The following OSBPL3 variants were observed in gnomAD, a reference collection of about 807,000 sequenced individuals.
OSBPL3 encodes oxysterol-binding protein-related protein 3.
In OSBPL3, 65 loss-of-function variants were observed where a neutral mutation model predicts 120.1. The ratio of observed to expected loss-of-function variants is 0.54; its 90% CI spans 0.44 to 0.67. The LOEUF (loss-of-function observed/expected upper bound fraction) is 0.67, where lower values mean the gene tolerates loss of function less well. Ranked by LOEUF, OSBPL3 falls within the 30% of genes least tolerant of loss-of-function variation. OSBPL3 has a pLI of 0.00. For synonymous variants in OSBPL3, 416 were observed against 402.6 expected (o/e 1.03, Z -0.40); for missense variants, 1,004 against 1,082.1 (o/e 0.93, Z 1.01).
intron 1 of OSBPL3, among the ~76,000 whole-genome samples, chr7:24,935,217 G>C (rs1386333039): frequency 6.6e-6 from 1 of 152,108 alleles, no homozygotes; most frequent in Non-Finnish European, 1.5e-5. Context: ...ATACTGCAGA[G>C]TGGTCCAGTG....
chr7:24,804,391 T>A lies in OSBPL3; in HGVS notation c.2491A>T (p.Arg831Trp). The change falls in exon 22 of 23, where the codon AGG becomes TGG. Residue 831 changes from arginine (R) to tryptophan (W), a missense_variant. Physicochemically the swap from Arg to Trp is moderately radical, Grantham distance 101 (BLOSUM62 -3). Transcript: ENST00000313367. This position sits in a 1 kb window ranked among gnomAD's most constrained non-coding sequence, Gnocchi z 5.4. ...NLEEAEIQKQ[R>W]IEQLQRERRR... is the part of the protein sequence containing the mutation. Reference sequence around the variant, plus strand: ...CTTTCTCTCTGCAGTTGTTCAATCCTCTGCTTTTGTATTTCAGCTTCTTCT... The same window carrying A: ...CTTTCTCTCTGCAGTTGTTCAATCCACTGCTTTTGTATTTCAGCTTCTTCT... The A allele has an allele frequency of 6.2e-7, 1 of 1,613,920 alleles. No individual in the cohort carries two copies. The highest frequency in any genetic ancestry group is 8.5e-7 in the Non-Finnish European group (1 of 1,179,840).
chr7:24,848,935 A>T, intron 12 of OSBPL3, 134 bp downstream of exon 12: 1 of 632,964 alleles, frequency 1.6e-6, no homozygotes, highest in South Asian at 1.9e-5. Flanking sequence ...AGCTGTGGCC[A>T]GCACCCAGAG....
In OSBPL3 at chr7:24,862,379, A is replaced by G. The variant is rs776719288; in HGVS notation, c.871-610T>C. Among the ~76,000 whole-genome samples, 5 of 152,220 alleles carry G rather than the reference A, an allele frequency of 3.3e-5. No individual in the cohort carries two copies. Among genetic ancestry groups the G allele is most frequent in the Non-Finnish European group, 7.3e-5 (5 of 68,038 alleles). On this transcript the variant is annotated intron_variant, in intron 9 of 22. Transcript: ENST00000313367. The surrounding 1 kb of genome is among the most constrained non-coding windows in gnomAD (Gnocchi z 4.4). Reference sequence around the variant, plus strand: ...TGCCAGGCTTTCTCATTTATACTCAATTCCTTCCTCCTGGCAATAATCATC... The same window carrying G: ...TGCCAGGCTTTCTCATTTATACTCAGTTCCTTCCTCCTGGCAATAATCATC...
At chr7:24,975,207 C>G (rs1023527157) in intron 1 of OSBPL3, among the ~76,000 whole-genome samples, 1 of 152,072 alleles carries the variant, frequency 6.6e-6, no homozygotes, top group Non-Finnish European at 1.5e-5. Context: ...ATAACATAGG[C>G]AAAATATTTA....
intron 10 of OSBPL3, among the ~76,000 whole-genome samples, chr7:24,853,820 G>A (rs956443431): frequency 6.6e-6 from 1 of 152,230 alleles, no homozygotes; most frequent in Non-Finnish European, 1.5e-5. Context: ...TTTGGGTAAA[G>A]GGTATACAGA....
chr7:24,918,037 G>A lies in OSBPL3; in HGVS notation c.-149-25416C>T, dbSNP rs1012661091. The A allele has an allele frequency of 5.6e-5, 55 of 976,562 alleles. No homozygotes were observed. The highest frequency in any genetic ancestry group is 6.3e-5 in the Non-Finnish European group (52 of 821,964). The allele number at this position is 976,562 out of a possible 1,614,324, so 60.5% of individuals were successfully genotyped here. A position where few individuals can be genotyped will look rare whatever the true frequency, so the allele number is the denominator to read the frequency against. ...ATCCTATGAGTCCATAAAATGACTA[G>A]CACTCTTACCTATAAAGGTTGGCTT... is the stretch of plus-strand genomic sequence containing the variant. On this transcript the variant is annotated intron_variant, in intron 1 of 22. Transcript: ENST00000313367. This position sits in a 1 kb window ranked among gnomAD's most constrained non-coding sequence, Gnocchi z 4.3.
Position 24,947,120 on chromosome 7 carries a change from T to C in OSBPL3, c.-150+32766A>G, listed in dbSNP as rs1813827946. ...AAAGTCAGGAGTGCCCCATCCTTGA[T>C]GATGGTCAAGTCAAGGTGTTGTAGA... On this transcript the variant is annotated intron_variant, in intron 1 of 22. Transcript: ENST00000313367. The surrounding 1 kb of genome is among the most constrained non-coding windows in gnomAD (Gnocchi z 4.4). Among the ~76,000 whole-genome samples the C allele has an allele frequency of 6.6e-6, 1 of 152,216 alleles. No individual in the cohort carries two copies. The highest frequency in any genetic ancestry group is 2.4e-5 in the African/African-American group (1 of 41,448).
chr7:24,948,052 C>A (rs2128492924), intron 1 of OSBPL3, among the ~76,000 whole-genome samples: 1 of 152,286 alleles, frequency 6.6e-6, no homozygotes, highest in Admixed American at 6.5e-5. Flanking sequence ...ACAGCAAGCT[C>A]ACAGACCTAT....
In OSBPL3 at chr7:24,913,766, GAAATT is replaced by G. The variant is rs1308200167; in HGVS notation, c.-149-21150_-149-21146del. On this transcript the variant is annotated intron_variant, in intron 1 of 22. Transcript: ENST00000313367. This position sits in a 1 kb window ranked among gnomAD's most constrained non-coding sequence, Gnocchi z 5.3. The stretch of plus-strand genomic sequence containing the variant: ...TGTCATGTGGTAACTGAGCCACAGA[GAAATT>G]AAATATCTTACTAAGGTAACAGGGT... Among the ~76,000 whole-genome samples the G allele has an allele frequency of 1.3e-5, 2 of 152,176 alleles. No homozygotes were observed. The highest frequency in any genetic ancestry group is 2.9e-5 in the Non-Finnish European group (2 of 68,030).
Position 24,867,091 on chromosome 7 carries a change from C to T in OSBPL3, c.382-854G>A, listed in dbSNP as rs1158526624. Among the ~76,000 whole-genome samples, 1 of 152,206 alleles carries T rather than the reference C, an allele frequency of 6.6e-6. No individual in the cohort carries two copies. The highest frequency in any genetic ancestry group is 2.4e-5 in the African/African-American group (1 of 41,458). On this transcript the variant is annotated intron_variant, in intron 5 of 22. Coordinates refer to ENST00000313367, the MANE Select transcript of OSBPL3 (RefSeq NM_015550.4). The surrounding 1 kb of genome is among the most constrained non-coding windows in gnomAD (Gnocchi z 4.5). ...CTGGGATTACAGGCGTGAGCCACCA[C>T]ACCTGGCCTGTTATGCTATTTTTAA...
At position 24,806,775 on chromosome 7, in the gene OSBPL3, C is replaced by A. The variant is rs767615377; in HGVS notation, c.2444+1G>T. The A allele has an allele frequency of 6.2e-7, 1 of 1,613,318 alleles. No homozygotes were observed. Among genetic ancestry groups the A allele is most frequent in the Admixed American group, 1.7e-5 (1 of 59,900 alleles). ...GAGAAAAATCTTTAAAAAATCCTTA[C>A]CTCTGGTCTGGCCTAAATCGAGTGT... On this transcript the variant is annotated splice_donor_variant, in intron 21 of 22. Coordinates refer to ENST00000313367, the MANE Select transcript of OSBPL3 (RefSeq NM_015550.4). LOFTEE classifies it high-confidence loss of function. The surrounding 1 kb of genome is among the most constrained non-coding windows in gnomAD (Gnocchi z 5.2).
At position 24,822,826 on chromosome 7, in the gene OSBPL3, A is replaced by C; in HGVS notation, c.1885-2588T>G. Among the ~76,000 whole-genome samples the C allele has an allele frequency of 6.6e-6, 1 of 152,224 alleles. No individual in the cohort carries two copies. Among genetic ancestry groups the C allele is most frequent in the East Asian group, 1.9e-4 (1 of 5,198 alleles). On this transcript the variant is annotated intron_variant, in intron 16 of 22. Coordinates refer to ENST00000313367, the MANE Select transcript of OSBPL3 (RefSeq NM_015550.4). This position sits in a 1 kb window ranked among gnomAD's most constrained non-coding sequence, Gnocchi z 5.8. ...ATAAAAACCCAACCTTGATTTTTTTAAACTATTGTGTTAGATAATGAATGA... is the reference window on the plus strand; with the variant it reads ...ATAAAAACCCAACCTTGATTTTTTTCAACTATTGTGTTAGATAATGAATGA...
intron 10 of OSBPL3, among the ~76,000 whole-genome samples, chr7:24,859,973 G>A (rs996068376): frequency 1.3e-5 from 2 of 151,998 alleles, no homozygotes; most frequent in Non-Finnish European, 2.9e-5. Flanking sequence ...AAATAGTAAA[G>A]TCCCACATAC....
chr7:24,856,652 T>C (rs974493591), intron 10 of OSBPL3, among the ~76,000 whole-genome samples: 5 of 152,212 alleles, frequency 3.3e-5, no homozygotes, highest in Admixed American at 6.5e-5. Flanking sequence ...CCAAAATACG[T>C]TTCTACATCT....
At chr7:24,978,943 G>C (rs1484601104) in intron 1 of OSBPL3, among the ~76,000 whole-genome samples, 1 of 152,242 alleles carries the variant, frequency 6.6e-6, no homozygotes, top group African/African-American at 2.4e-5. Flanking sequence ...GCCGAAGGAA[G>C]GGCGGCGCGC....
At position 24,835,570 on chromosome 7, in the gene OSBPL3, C is replaced by T. The variant is rs1796896150; in HGVS notation, c.1496-834G>A. On this transcript the variant is annotated intron_variant, in intron 14 of 22. Transcript: ENST00000313367. This position sits in a 1 kb window ranked among gnomAD's most constrained non-coding sequence, Gnocchi z 4.8. ...CAGCAATCCCATTACTGACTATATA[C>T]CCAAAGGAATATATATTGTTCTACC... 6.6e-6 allele frequency among the ~76,000 whole-genome samples: 1 copy of T among 152,034 alleles called. No individual in the cohort carries two copies. The highest frequency in any genetic ancestry group is 2.4e-5 in the African/African-American group (1 of 41,398).
chr7:24,866,016 C>G, intron 6 of OSBPL3, 54 bp downstream of exon 6: 1 of 1,466,136 alleles, frequency 6.8e-7, no homozygotes, highest in Non-Finnish European at 9.5e-7. Context: ...GACAGGACTC[C>G]ATGAAACAAA....
Position 24,872,068 on chromosome 7 carries a change from TC to T in OSBPL3, c.97del (p.Asp33ThrfsTer9). 6.3e-7 allele frequency: 1 copy of T among 1,591,062 alleles called. No individual in the cohort carries two copies. Among genetic ancestry groups the T allele is most frequent in the South Asian group, 1.1e-5 (1 of 90,532 alleles). ...SCSSKQGSRQ[D>X]SWEVVEGLRG... Reference sequence around the variant, plus strand: ...CAGTCCTTCCACCACTTCCCAGCTGTCCTGTTCCAACAAAAGAGTTCATGTT... The same window carrying T: ...CAGTCCTTCCACCACTTCCCAGCTGTCTGTTCCAACAAAAGAGTTCATGTT... On this transcript the variant is annotated frameshift_variant and splice_region_variant, in exon 3 of 23. Transcript: ENST00000313367. LOFTEE classifies it high-confidence loss of function. The surrounding 1 kb of genome is among the most constrained non-coding windows in gnomAD (Gnocchi z 4.1).
At chr7:24,897,501 AT>A (rs1806349093) in intron 1 of OSBPL3, among the ~76,000 whole-genome samples, 1 of 151,014 alleles carries the variant, frequency 6.6e-6, no homozygotes, top group African/African-American at 2.4e-5. Context: ...AATTTTTTGT[AT>A]TTTTAGTAGA....
Sources: allele counts gnomAD v4.1 joint callset (sites outside exome capture counted in the v4.1 genomes callset), GRCh38; gene constraint gnomAD v4.1.1; non-coding constraint Gnocchi (gnomAD v3.1); transcripts MANE v1.5; gene names NCBI Gene and HGNC (gene_info 2026-07-23, HGNC 2026-07-21).